The following XRN2 variants were observed in gnomAD, a reference collection of about 807,000 sequenced individuals.
The protein encoded by XRN2 is DHM1-like protein.
A neutral mutation model predicts 138.5 loss-of-function variants in XRN2; 44 were observed. That is an observed-to-expected ratio of 0.32 (90% CI 0.25 to 0.41). The LOEUF (loss-of-function observed/expected upper bound fraction) is 0.41, where lower values mean the gene tolerates loss of function less well. Among genes scored for constraint, XRN2 ranks in the 10% least tolerant of loss-of-function variants. XRN2 has a pLI of 1.00. For synonymous variants in XRN2, 354 were observed against 369.4 expected (o/e 0.96, Z 0.48); for missense variants, 937 against 1,169.3 (o/e 0.80, Z 2.90).
intron 1 of XRN2, among the ~76,000 whole-genome samples, chr20:21,305,388 A>T (rs1207255411): frequency 6.6e-6 from 1 of 152,098 alleles, no homozygotes; most frequent in African/African-American, 2.4e-5. Context: ...CGTCCAGAGC[A>T]GCTAGGACTA....
rs553074548 is a variant in XRN2 at position 21,373,372 on chromosome 20, C to G, written c.2584+4782C>G. Among the ~76,000 whole-genome samples the G allele has an allele frequency of 2.4e-4, 37 of 152,310 alleles. No homozygotes were observed. The South Asian group carries it at 6.8e-3, about 28-fold the overall frequency. On this transcript the variant is annotated intron_variant, in intron 27 of 29. Coordinates refer to ENST00000377191, the MANE Select transcript of XRN2 (RefSeq NM_012255.5). The stretch of plus-strand genomic sequence containing the variant: ...ACTATATCACCATTTATTTACTTAT[C>G]CAGTAGCATTTGGGTTGGTTTCTGG...
intron 27 of XRN2, among the ~76,000 whole-genome samples, chr20:21,369,988 G>A (rs985972709): frequency 6.6e-6 from 1 of 152,110 alleles, no homozygotes; most frequent in African/African-American, 2.4e-5. Flanking sequence ...TGTTGTAGCA[G>A]TTTCATAGAT....
At chr20:21,368,655 A>G (rs997415373) in intron 27 of XRN2, 65 bp downstream of exon 27, 3 of 1,587,906 alleles carry the variant, frequency 1.9e-6, no homozygotes, top group South Asian at 1.1e-5. Context: ...GTTGGTTTCT[A>G]ATCTTCTTTG....
intron 1 of XRN2, among the ~76,000 whole-genome samples, chr20:21,311,177 T>C (rs769347357): frequency 2.0e-5 from 3 of 152,234 alleles, no homozygotes; most frequent in Non-Finnish European, 4.4e-5. Flanking sequence ...ATGTTCAAAT[T>C]GTTGTGCAAC....
chr20:21,330,715 A>G lies in XRN2; in HGVS notation c.576+10A>G. ...GTGGAAAAATTTGACAGTAAGTTTC[A>G]CATTTTGATACTTCAGAAAGATTAG... On this transcript the variant is annotated intron_variant, in intron 6 of 29. Transcript: ENST00000377191. 8 of 1,605,370 alleles carry G rather than the reference A, an allele frequency of 5.0e-6. No individual in the cohort carries two copies. The highest frequency in any genetic ancestry group is 6.8e-6 in the Non-Finnish European group (8 of 1,174,102).
At chr20:21,326,682 T>C in intron 3 of XRN2, 81 bp downstream of exon 3, 1 of 1,110,164 alleles carries the variant, frequency 9.0e-7, no homozygotes, top group Admixed American at 2.5e-5. Context: ...GTCAGCTAAA[T>C]AATGAAAAAT....
intron 9 of XRN2, 97 bp downstream of exon 9, chr20:21,332,537 A>G (rs2038227506): frequency 2.5e-6 from 3 of 1,187,966 alleles, no homozygotes; most frequent in Non-Finnish European, 3.4e-6. Context: ...ATTTTAAAGT[A>G]TACAATTAAA....
chr20:21,326,403 A>C lies in XRN2; in HGVS notation c.200A>C (p.Asp67Ala). The change falls in exon 2 of 30, where the codon GAC (aspartate) becomes GCC (alanine). Residue 67 changes from aspartate to alanine, a missense_variant. Asp to Ala is a moderately radical substitution (Grantham distance 126, BLOSUM62 -2). Transcript: ENST00000377191. ...GIIHPCTHPE[D>A]KPAPKNEDEM... ...ATCCATCCCTGTACTCATCCTGAAGACAAGTACGTAACCCATTTTTGTCAC... is the reference window on the plus strand; with the variant it reads ...ATCCATCCCTGTACTCATCCTGAAGCCAAGTACGTAACCCATTTTTGTCAC... The C allele has an allele frequency of 6.2e-7, 1 of 1,613,808 alleles. No homozygotes were observed. Among genetic ancestry groups the C allele is most frequent in the Non-Finnish European group, 8.5e-7 (1 of 1,179,816 alleles).
intron 27 of XRN2, among the ~76,000 whole-genome samples, chr20:21,373,576 A>G (rs779163217): frequency 4.5e-4 from 68 of 152,222 alleles, no homozygotes; most frequent in Non-Finnish European, 2.9e-4. Context: ...TTCAGTTTGT[A>G]TGAATTTACA....
chr20:21,320,756 G>A (rs959198810), intron 1 of XRN2, among the ~76,000 whole-genome samples: 1 of 152,066 alleles, frequency 6.6e-6, no homozygotes, highest in African/African-American at 2.4e-5. Flanking sequence ...CACCACACCT[G>A]GCTAATTTTT....
At chr20:21,354,933 T>G (rs574685904) in intron 21 of XRN2, 61 bp downstream of exon 21, 9 of 1,353,774 alleles carry the variant, frequency 6.6e-6, no homozygotes, top group Non-Finnish European at 9.1e-6. Flanking sequence ...TATTTCTGTA[T>G]AAAATTAGAC....
In XRN2 at chr20:21,314,002, G is replaced by A. The variant is rs117157020; in HGVS notation, c.75+10529G>A. Among the ~76,000 whole-genome samples the A allele has an allele frequency of 8.2e-3, 1,254 of 152,278 alleles. 5 individuals are homozygous for A. The highest frequency in any genetic ancestry group is 0.014 in the Non-Finnish European group (931 of 68,020). On this transcript the variant is annotated intron_variant, in intron 1 of 29. Coordinates refer to ENST00000377191, the MANE Select transcript of XRN2 (RefSeq NM_012255.5). Reference sequence around the variant, plus strand: ...TGATTTTTAGTATTTTCACAAATGTGTGCATCCATCACCACAGTCAATTTT... The same window carrying A: ...TGATTTTTAGTATTTTCACAAATGTATGCATCCATCACCACAGTCAATTTT...
chr20:21,374,862 G>A (rs1009634055), intron 27 of XRN2, among the ~76,000 whole-genome samples: 1 of 151,698 alleles, frequency 6.6e-6, no homozygotes, highest in African/African-American at 2.4e-5. Context: ...TTAGATTGTC[G>A]TCATTTCTTA....
At chr20:21,337,427 C>T (rs2038310987) in intron 13 of XRN2, among the ~76,000 whole-genome samples, 1 of 152,156 alleles carries the variant, frequency 6.6e-6, no homozygotes, top group Non-Finnish European at 1.5e-5. Flanking sequence ...CATGGAAAGA[C>T]TGGGAGGTGC....
intron 26 of XRN2, among the ~76,000 whole-genome samples, chr20:21,367,556 T>G (rs904476278): frequency 1.3e-5 from 2 of 152,146 alleles, no homozygotes; most frequent in Admixed American, 1.3e-4. Flanking sequence ...CTTGTGAACT[T>G]TACCGAACCA....
chr20:21,310,664 C>T (rs962911643), intron 1 of XRN2, among the ~76,000 whole-genome samples: 14 of 152,010 alleles, frequency 9.2e-5, no homozygotes, highest in Non-Finnish European at 2.1e-4. Flanking sequence ...TTATTTTAGC[C>T]TGTTTGCATC....
At chr20:21,336,851 G>A (rs537798368) in intron 13 of XRN2, among the ~76,000 whole-genome samples, 122 of 152,346 alleles carry the variant, frequency 8.0e-4, no homozygotes, top group African/African-American at 2.8e-3. Flanking sequence ...ACTGACAGCT[G>A]ACCTTGATTA....
intron 29 of XRN2, 152 bp from the exon 30 acceptor site, chr20:21,389,121 A>T: frequency 3.2e-6 from 2 of 628,210 alleles, no homozygotes; most frequent in Non-Finnish European, 5.3e-6. Context: ...AAAGCTCTGG[A>T]TCAAAGCACC....
intron 1 of XRN2, 112 bp downstream of exon 1, chr20:21,303,585 C>T: frequency 2.9e-6 from 4 of 1,391,948 alleles, no homozygotes; most frequent in East Asian, 3.0e-5. Context: ...GAGCTCGCGC[C>T]CTGCTGCCAG....
Sources: allele counts gnomAD v4.1 joint callset (sites outside exome capture counted in the v4.1 genomes callset), GRCh38; gene constraint gnomAD v4.1.1; transcripts MANE v1.5; gene names NCBI Gene and HGNC (gene_info 2026-07-23, HGNC 2026-07-21).